The following TENM3 variants were observed in gnomAD, a reference collection of about 807,000 sequenced individuals.
TENM3 encodes teneurin transmembrane protein 3.
A neutral mutation model predicts 255.1 loss-of-function variants in TENM3; 63 were observed. The observed-to-expected ratio is 0.25, with a 90% CI of 0.20 to 0.30. TENM3 has a LOEUF of 0.30. Ranked by LOEUF, TENM3 falls within the 10% of genes least tolerant of loss-of-function variation. The pLI is 1.00. For synonymous variants in TENM3, 1,306 were observed against 1,322.3 expected (o/e 0.99, Z 0.27); for missense variants, 2,929 against 3,461.1 (o/e 0.85, Z 3.86).
At chr4:182,487,904 G>A (rs1048335029) in intron 3 of TENM3, among the ~76,000 whole-genome samples, 2 of 152,124 alleles carry the variant, frequency 1.3e-5, no homozygotes, top group Non-Finnish European at 2.9e-5. Context: ...GCCTTTAAAT[G>A]GTTGGGCAAA....
the TENM3 span, among the ~76,000 whole-genome samples, chr4:182,050,880 G>A: frequency 6.6e-6 from 1 of 152,138 alleles, no homozygotes; most frequent in Non-Finnish European, 1.5e-5. Flanking sequence ...AGATGGCACA[G>A]GAATATTCAA....
chr4:181,606,056 C>A, the TENM3 span, among the ~76,000 whole-genome samples: 1 of 152,184 alleles, frequency 6.6e-6, no homozygotes. Flanking sequence ...CATCCAGATG[C>A]TCCAGCCAAA....
the TENM3 span, among the ~76,000 whole-genome samples, chr4:181,747,961 T>G: frequency 6.6e-6 from 1 of 152,068 alleles, no homozygotes; most frequent in Admixed American, 6.6e-5. Flanking sequence ...CCACACTCAC[T>G]TTGATCTCTG....
intron 1 of TENM3, among the ~76,000 whole-genome samples, chr4:182,271,420 G>C (rs1469105787): frequency 6.6e-6 from 1 of 152,070 alleles, no homozygotes; most frequent in African/African-American, 2.4e-5. Context: ...GGTAAATAAG[G>C]CCTTCCCGTC....
the TENM3 span, among the ~76,000 whole-genome samples, chr4:181,567,519 C>T: frequency 6.6e-6 from 1 of 152,158 alleles, no homozygotes; most frequent in Admixed American, 6.5e-5. Context: ...GCAATACTAA[C>T]TTTCCTCATA....
the TENM3 span, among the ~76,000 whole-genome samples, chr4:181,743,953 C>G: frequency 6.6e-6 from 1 of 152,086 alleles, no homozygotes; most frequent in African/African-American, 2.4e-5. Flanking sequence ...AGTGATTCTT[C>G]TTGATGTTCT....
intron 19 of TENM3, among the ~76,000 whole-genome samples, chr4:182,748,416 G>A (rs935418178): frequency 2.6e-5 from 4 of 152,090 alleles, no homozygotes; most frequent in African/African-American, 9.7e-5. Flanking sequence ...TTTCACAGTA[G>A]ATAGATTACT....
chr4:181,874,471 A>G, the TENM3 span: 2 of 152,346 alleles, frequency 1.3e-5, no homozygotes, highest in East Asian at 3.9e-4. Flanking sequence ...TAATCAATGA[A>G]GACTTTTATT....
At chr4:181,983,505 T>C in the TENM3 span, among the ~76,000 whole-genome samples, 1 of 152,106 alleles carries the variant, frequency 6.6e-6, no homozygotes, top group African/African-American at 2.4e-5. Context: ...AACAGAAACA[T>C]GTGATCATGT....
At chr4:182,430,265 T>C (rs978361324) in intron 3 of TENM3, among the ~76,000 whole-genome samples, 4 of 152,198 alleles carry the variant, frequency 2.6e-5, no homozygotes, top group Non-Finnish European at 5.9e-5. Context: ...AGAACGACTG[T>C]AGGCCGGGCG....
At chr4:182,646,511 G>T (rs528195813) in intron 5 of TENM3, among the ~76,000 whole-genome samples, 31 of 152,262 alleles carry the variant, frequency 2.0e-4, no homozygotes, top group African/African-American at 7.2e-4. Context: ...GGAGGCCGAG[G>T]CGGGTGGATT....
chr4:182,463,625 A>AT (rs35176681), intron 3 of TENM3, among the ~76,000 whole-genome samples: 270 of 144,470 alleles, frequency 1.9e-3, no homozygotes, highest in African/African-American at 2.8e-3. Flanking sequence ...CGCCTGGCTA[A>AT]TTTTTTTTTT....
At chr4:181,571,699 T>A in the TENM3 span, among the ~76,000 whole-genome samples, 4 of 152,194 alleles carry the variant, frequency 2.6e-5, no homozygotes, top group Non-Finnish European at 5.9e-5. Context: ...TACAATTAGA[T>A]ATGAATTCTA....
the TENM3 span, among the ~76,000 whole-genome samples, chr4:182,112,246 C>T: frequency 6.6e-6 from 1 of 152,022 alleles, no homozygotes; most frequent in African/African-American, 2.4e-5. Flanking sequence ...TATAGCGCGC[C>T]CTCCCCAACA....
intron 3 of TENM3, among the ~76,000 whole-genome samples, chr4:182,491,276 C>T (rs1463583968): frequency 6.6e-6 from 1 of 152,058 alleles, no homozygotes; most frequent in Non-Finnish European, 1.5e-5. Flanking sequence ...GCTTGGGGCA[C>T]ATAGGATGTT....
chr4:182,377,888 T>C (rs1447693117), intron 3 of TENM3, among the ~76,000 whole-genome samples: 1 of 152,188 alleles, frequency 6.6e-6, no homozygotes, highest in Admixed American at 6.5e-5. Context: ...TGTGTGATCA[T>C]AGAGAAGCAA....
At chr4:181,610,835 C>T in the TENM3 span, among the ~76,000 whole-genome samples, 1 of 152,150 alleles carries the variant, frequency 6.6e-6, no homozygotes, top group Non-Finnish European at 1.5e-5. Flanking sequence ...GTATAAGAAT[C>T]ACAGGTGCTC....
chr4:182,553,943 T>C (rs192560983), intron 3 of TENM3, among the ~76,000 whole-genome samples: 59 of 152,330 alleles, frequency 3.9e-4, no homozygotes, highest in African/African-American at 1.3e-3. Context: ...CTTCCCTTAC[T>C]CTACAGCCAC....
At chr4:182,159,207 A>G (rs559125572) in intron 1 of TENM3, among the ~76,000 whole-genome samples, 10 of 152,286 alleles carry the variant, frequency 6.6e-5, no homozygotes, top group African/African-American at 2.4e-4. Context: ...TGTCGGAGTC[A>G]TTGTCATCGG....
Sources: gnomAD v4.1 joint callset for allele counts (sites outside exome capture counted in the v4.1 genomes callset) on GRCh38, gnomAD v4.1.1 for gene constraint, MANE v1.5 for transcripts, NCBI Gene and HGNC (gene_info 2026-07-23, HGNC 2026-07-21) for gene names.